Variants in NPAS2 observed in about 807,000 individuals in gnomAD.
NPAS2 encodes the protein neuronal PAS domain protein 2, also known as neuronal PAS domain-containing protein 2.
In NPAS2, 23 loss-of-function variants were observed where a neutral mutation model predicts 107.5. That is an observed-to-expected ratio of 0.21 (90% CI 0.15 to 0.30). NPAS2 has a LOEUF of 0.30. NPAS2 is among the 10% of genes least tolerant of loss of function. The pLI is 1.00. For synonymous variants in NPAS2, 403 were observed against 417.5 expected (o/e 0.97, Z 0.42); for missense variants, 756 against 1,043.3 (o/e 0.72, Z 3.79).
In NPAS2 at chr2:100,964,883, C is replaced by A; in HGVS notation, c.740C>A (p.Pro247His). The change falls in exon 9 of 21, where the codon CCT becomes CAT. Residue 247 changes from proline to histidine, a missense_variant. Physicochemically the swap from Pro to His is moderately conservative, Grantham distance 77. This residue lies in a region of NPAS2 where 84 missense variants were observed against 175.5 expected (regional missense o/e 0.48). Transcript: ENST00000335681. The part of the protein sequence containing the change: ...FLKEMCIVDE[P>H]LEEFTSRHSL... Reference sequence around the variant, plus strand: ...CAGGAAATGTGCATAGTTGACGAACCTTTAGAGGAATTCACTTCAAGGCAT... The same window carrying A: ...CAGGAAATGTGCATAGTTGACGAACATTTAGAGGAATTCACTTCAAGGCAT... The A allele has an allele frequency of 1.3e-6, 2 of 1,574,936 alleles. No homozygotes were observed. Among genetic ancestry groups the A allele is most frequent in the Non-Finnish European group, 1.7e-6 (2 of 1,169,788 alleles).
At chr2:100,930,166 T>A (rs1397910089) in intron 3 of NPAS2, among the ~76,000 whole-genome samples, 1 of 152,220 alleles carries the variant, frequency 6.6e-6, no homozygotes, top group Non-Finnish European at 1.5e-5. Context: ...ATCCTCTTCC[T>A]GAGTGAGTCT....
chr2:100,872,639 T>A (rs1209508469), intron 1 of NPAS2, among the ~76,000 whole-genome samples: 3 of 152,178 alleles, frequency 2.0e-5, no homozygotes, highest in Non-Finnish European at 4.4e-5. Flanking sequence ...ATTTATAAAT[T>A]CCTTTTTCAA....
At chr2:100,849,902 A>G (rs1678037474) in intron 1 of NPAS2, among the ~76,000 whole-genome samples, 1 of 151,960 alleles carries the variant, frequency 6.6e-6, no homozygotes. Flanking sequence ...TGGTCAGGGA[A>G]AGTGGTTAGA....
intron 15 of NPAS2, among the ~76,000 whole-genome samples, chr2:100,978,073 T>C (rs896004009): frequency 3.9e-5 from 6 of 152,006 alleles, no homozygotes; most frequent in African/African-American, 1.2e-4. Context: ...ATAAGTTCTT[T>C]AGGGGTGATT....
intron 5 of NPAS2, among the ~76,000 whole-genome samples, chr2:100,940,409 A>G (rs1431827590): frequency 6.6e-6 from 1 of 152,226 alleles, no homozygotes; most frequent in Admixed American, 6.5e-5. Flanking sequence ...TTGTGAGCCC[A>G]GGTCCTTTCC....
intron 1 of NPAS2, among the ~76,000 whole-genome samples, chr2:100,893,922 G>A (rs1681242452): frequency 6.6e-6 from 1 of 152,214 alleles, no homozygotes; most frequent in African/African-American, 2.4e-5. Flanking sequence ...CATGAGTGGA[G>A]TAACATGCCT....
intron 2 of NPAS2, among the ~76,000 whole-genome samples, chr2:100,911,867 A>G (rs1230198832): frequency 6.6e-6 from 1 of 152,148 alleles, no homozygotes; most frequent in African/African-American, 2.4e-5. Context: ...CCTGGCCTCA[A>G]GTGATCCACC....
chr2:100,904,616 A>G, intron 1 of NPAS2, 117 bp from the exon 2 acceptor site: 1 of 717,930 alleles, frequency 1.4e-6, no homozygotes, highest in Admixed American at 2.7e-5. Flanking sequence ...AGGACCAACA[A>G]GTTTGAGAAC....
chr2:100,880,447 G>A (rs1680260007), intron 1 of NPAS2, among the ~76,000 whole-genome samples: 1 of 152,212 alleles, frequency 6.6e-6, no homozygotes, highest in African/African-American at 2.4e-5. Context: ...ATATTATTCA[G>A]TCTTAAAGAG....
chr2:100,926,013 G>A (rs1472131287), intron 3 of NPAS2, among the ~76,000 whole-genome samples: 1 of 152,008 alleles, frequency 6.6e-6, no homozygotes, highest in African/African-American at 2.4e-5. Context: ...CCTATTCTAG[G>A]CATTTTATAC....
At chr2:100,893,914 T>C (rs1681241887) in intron 1 of NPAS2, among the ~76,000 whole-genome samples, 1 of 152,202 alleles carries the variant, frequency 6.6e-6, no homozygotes, top group Non-Finnish European at 1.5e-5. Flanking sequence ...ACCTCCTGCA[T>C]GAGTGGAGTA....
chr2:100,937,671 TA>T (rs1684413966), intron 4 of NPAS2, 81 bp from the exon 5 acceptor site: 7 of 987,836 alleles, frequency 7.1e-6, no homozygotes, highest in Non-Finnish European at 1.1e-5. Context: ...GCCAGTGTCC[TA>T]AAATAGTGTC....
At chr2:100,923,953 T>G (rs356652) in intron 2 of NPAS2, among the ~76,000 whole-genome samples, 17,553 of 152,208 alleles carry the variant, frequency 0.12, 1,928 homozygotes, top group East Asian at 0.34. Context: ...CCTACTCAAG[T>G]TCCTGAGGAT....
intron 16 of NPAS2, chr2:100,984,115 C>T (rs141334785): frequency 2.0e-5 from 3 of 152,342 alleles, no homozygotes; most frequent in East Asian, 1.9e-4. Context: ...TGTTCTGAGC[C>T]GGCCGGCATG....
At chr2:100,840,312 C>G (rs1424770060) in intron 1 of NPAS2, among the ~76,000 whole-genome samples, 1 of 152,106 alleles carries the variant, frequency 6.6e-6, no homozygotes, top group Non-Finnish European at 1.5e-5. Flanking sequence ...TTAACTACAG[C>G]GAAGACTGTA....
chr2:100,988,420 G>T, intron 17 of NPAS2, 144 bp downstream of exon 17: 1 of 678,050 alleles, frequency 1.5e-6, no homozygotes. Flanking sequence ...ATTTGGGAGT[G>T]AGCCTTCTTT....
At chr2:100,876,464 G>T (rs1044501587) in intron 1 of NPAS2, among the ~76,000 whole-genome samples, 1 of 152,212 alleles carries the variant, frequency 6.6e-6, no homozygotes, top group African/African-American at 2.4e-5. Flanking sequence ...TTCGGACCTG[G>T]CCTTTCCATT....
chr2:100,913,531 T>G (rs1682680908), intron 2 of NPAS2, among the ~76,000 whole-genome samples: 1 of 152,150 alleles, frequency 6.6e-6, no homozygotes, highest in Admixed American at 6.5e-5. Context: ...ATGGATAGTT[T>G]CCCAATGGAT....
At chr2:100,839,544 T>C (rs1677266902) in intron 1 of NPAS2, among the ~76,000 whole-genome samples, 1 of 152,182 alleles carries the variant, frequency 6.6e-6, no homozygotes, top group East Asian at 1.9e-4. Flanking sequence ...ATTTTAAGAA[T>C]ATGGGGTATG....
Sources: gnomAD v4.1 joint callset for allele counts (sites outside exome capture counted in the v4.1 genomes callset) on GRCh38, gnomAD v4.1.1 for gene constraint, gnomAD v4.1.1 regional missense constraint, MANE v1.5 for transcripts, NCBI Gene and HGNC (gene_info 2026-07-23, HGNC 2026-07-21) for gene names.